The following ADGRL3 variants were observed in gnomAD, a reference collection of about 807,000 sequenced individuals.
ADGRL3 encodes adhesion G protein-coupled receptor L3.
ADGRL3 carries 62 observed loss-of-function variants against 153.5 expected under a neutral mutation model. That is an observed-to-expected ratio of 0.40 (90% confidence interval 0.33 to 0.50). ADGRL3 has a LOEUF of 0.50. Among genes scored for constraint, ADGRL3 ranks in the 20% least tolerant of loss-of-function variants. The pLI is 0.47. For synonymous variants in ADGRL3, 710 were observed against 672.5 expected (o/e 1.06, Z -0.86); for missense variants, 1,641 against 1,859.4 (o/e 0.88, Z 2.16).
intron 2 of ADGRL3, among the ~76,000 whole-genome samples, chr4:61,438,446 T>C (rs1020983363): frequency 9.2e-5 from 14 of 151,588 alleles, no homozygotes. Flanking sequence ...TGTGCCAGGC[T>C]GTGATGAAGG....
chr4:61,921,855 AC>A (rs1181227707), intron 13 of ADGRL3, among the ~76,000 whole-genome samples: 61 of 152,268 alleles, frequency 4.0e-4, no homozygotes, highest in Admixed American at 4.0e-3. Flanking sequence ...CTTGTGGCCG[AC>A]CCACACAATA....
At chr4:61,741,889 T>C (rs1038049986) in intron 8 of ADGRL3, among the ~76,000 whole-genome samples, 86 of 152,364 alleles carry the variant, frequency 5.6e-4, no homozygotes, top group African/African-American at 2.0e-3. Flanking sequence ...AAATGTATAA[T>C]TGTTAGACAT....
chr4:61,385,172 A>G (rs1337167475), intron 2 of ADGRL3, among the ~76,000 whole-genome samples: 1 of 152,130 alleles, frequency 6.6e-6, no homozygotes, highest in Non-Finnish European at 1.5e-5. Flanking sequence ...TGTGGCAGTC[A>G]TTAAATTAAA....
intron 1 of ADGRL3, among the ~76,000 whole-genome samples, chr4:61,206,495 T>C (rs974252308): frequency 6.6e-5 from 10 of 152,204 alleles, no homozygotes; most frequent in Admixed American, 1.3e-4. Context: ...TTTATAATAA[T>C]GCTAAGACAT....
At chr4:61,545,315 T>C (rs1029401473) in intron 4 of ADGRL3, among the ~76,000 whole-genome samples, 1 of 152,294 alleles carries the variant, frequency 6.6e-6, no homozygotes, top group African/African-American at 2.4e-5. Context: ...ACCTGGTTAG[T>C]ACTGATGTAC....
At chr4:61,354,354 TG>T (rs1318334200) in intron 1 of ADGRL3, among the ~76,000 whole-genome samples, 1 of 152,192 alleles carries the variant, frequency 6.6e-6, no homozygotes, top group African/African-American at 2.4e-5. Context: ...GTTCTCCATA[TG>T]CAACAGTACA....
intron 1 of ADGRL3, among the ~76,000 whole-genome samples, chr4:61,274,801 G>C (rs529800883): frequency 6.6e-6 from 1 of 152,160 alleles, no homozygotes; most frequent in South Asian, 2.1e-4. Flanking sequence ...TGGTGTGGTG[G>C]TGCACGCTTG....
At chr4:61,242,398 G>A (rs1057183228) in intron 1 of ADGRL3, among the ~76,000 whole-genome samples, 1 of 151,982 alleles carries the variant, frequency 6.6e-6, no homozygotes, top group African/African-American at 2.4e-5. Context: ...CAAACACATC[G>A]GAGTGTGAAT....
chr4:61,979,847 CT>C, intron 18 of ADGRL3, 75 bp downstream of exon 18: 2 of 1,200,742 alleles, frequency 1.7e-6, no homozygotes, highest in Non-Finnish European at 2.4e-6. Flanking sequence ...ACTAAAAATA[CT>C]TATGTTTGAA....
chr4:61,871,011 G>C (rs1233120681), intron 9 of ADGRL3, among the ~76,000 whole-genome samples: 1 of 152,164 alleles, frequency 6.6e-6, no homozygotes, highest in African/African-American at 2.4e-5. Context: ...GGGCACGGTG[G>C]CTCATGCCTG....
chr4:61,233,025 C>T (rs1751400869), intron 1 of ADGRL3, among the ~76,000 whole-genome samples: 1 of 152,096 alleles, frequency 6.6e-6, no homozygotes. Flanking sequence ...GAATTATGTG[C>T]TTGAATATTT....
chr4:61,903,936 T>C (rs1333188491), intron 11 of ADGRL3, among the ~76,000 whole-genome samples: 1 of 151,656 alleles, frequency 6.6e-6, no homozygotes, highest in Non-Finnish European at 1.5e-5. Flanking sequence ...GAAATTTTTT[T>C]TTTCTTTAAT....
At chr4:61,551,181 C>T (rs2098738746) in intron 4 of ADGRL3, among the ~76,000 whole-genome samples, 1 of 152,030 alleles carries the variant, frequency 6.6e-6, no homozygotes, top group Non-Finnish European at 1.5e-5. Flanking sequence ...TCTCCAGAAC[C>T]AGGCCTTGAG....
At chr4:61,947,270 C>T in intron 16 of ADGRL3, 148 bp downstream of exon 16, 1 of 656,264 alleles carries the variant, frequency 1.5e-6, no homozygotes. Flanking sequence ...ATTTTTTTGT[C>T]AGAAATAAGA....
intron 1 of ADGRL3, among the ~76,000 whole-genome samples, chr4:61,380,637 T>G (rs988210888): frequency 6.6e-6 from 1 of 151,962 alleles, no homozygotes; most frequent in African/African-American, 2.4e-5. Context: ...AGACCTAGAG[T>G]GAGTTGCAAT....
At chr4:61,704,932 CT>C (rs1347424328) in intron 6 of ADGRL3, among the ~76,000 whole-genome samples, 5 of 152,142 alleles carry the variant, frequency 3.3e-5, no homozygotes, top group African/African-American at 1.2e-4. Context: ...ATTTTTAATT[CT>C]AGTTCTCTTT....
chr4:61,754,892 A>G (rs1474149928), intron 8 of ADGRL3, among the ~76,000 whole-genome samples: 1 of 151,870 alleles, frequency 6.6e-6, no homozygotes, highest in Non-Finnish European at 1.5e-5. Context: ...TTCTTGCGAT[A>G]GTTTGCTGAG....
intron 9 of ADGRL3, among the ~76,000 whole-genome samples, chr4:61,835,525 AT>A (rs141433635): frequency 0.019 from 2,878 of 152,248 alleles, 91 homozygotes; most frequent in African/African-American, 0.065. Flanking sequence ...TTTAAAAAAA[AT>A]AAATCCTTTT....
intron 1 of ADGRL3, among the ~76,000 whole-genome samples, chr4:61,213,971 T>C (rs1032122659): frequency 1.3e-5 from 2 of 152,180 alleles, no homozygotes; most frequent in Non-Finnish European, 2.9e-5. Context: ...TCTGTATAAC[T>C]GGTCCTCTGA....
Sources: gnomAD v4.1 joint callset for allele counts (sites outside exome capture counted in the v4.1 genomes callset) on GRCh38, gnomAD v4.1.1 for gene constraint, MANE v1.5 for transcripts, NCBI Gene and HGNC (gene_info 2026-07-23, HGNC 2026-07-21) for gene names.